The following ZNF208 variants were observed in gnomAD, a reference collection of about 807,000 sequenced individuals.
ZNF208 encodes the protein zinc finger protein 208.
ZNF208 carries 10 observed loss-of-function variants against 12.1 expected under a neutral mutation model. The ratio of observed to expected loss-of-function variants is 0.83; its 90% CI spans 0.51 to 1.40. ZNF208 has a LOEUF of 1.40. Ranked by LOEUF, ZNF208 falls within the 40% of genes most tolerant of loss-of-function variation. The pLI, the probability that ZNF208 is intolerant of heterozygous loss-of-function variation, is 0.00. For synonymous variants in ZNF208, 497 were observed against 488.4 expected (o/e 1.02, Z -0.23); for missense variants, 1,652 against 1,485.0 (o/e 1.11, Z -1.85).
At chr19:21,955,907 G>A (rs965769916) in intron 4 of ZNF208, among the ~76,000 whole-genome samples, 7 of 152,180 alleles carry the variant, frequency 4.6e-5, no homozygotes, top group Admixed American at 1.3e-4. Flanking sequence ...GAGGAGAAGA[G>A]GCACTCTGAT....
In ZNF208 at chr19:21,974,399, C is replaced by A. The variant is rs543100062; in HGVS notation, c.635G>T (p.Trp212Leu). ...CTTATAATAAGTAAGGGTTGAGGAC[C>A]AGTTAAAAGCTTTGCCACCTTCTTC... ...KCEEGGKAFNWSSTLTYYKSA... is the reference protein window; with the variant it reads ...KCEEGGKAFNLSSTLTYYKSA... The change falls in exon 4 of 4, where the codon TGG (tryptophan) becomes TTG (leucine). Residue 212 changes from tryptophan to leucine, a missense_variant. Physicochemically the swap from Trp to Leu is moderately conservative, Grantham distance 61. This residue lies in a region of ZNF208 where 410 missense variants were observed against 378.2 expected (regional missense o/e 1.08). Coordinates refer to ENST00000397126, the MANE Select transcript of ZNF208 (RefSeq NM_007153.3). 6 of 1,613,558 alleles carry A rather than the reference C, an allele frequency of 3.7e-6. No individual in the cohort carries two copies. Among genetic ancestry groups the A allele is most frequent in the Middle Eastern group, 1.7e-4 (1 of 6,056 alleles).
At position 21,967,984 on chromosome 19, in the gene ZNF208, T is replaced by C. The variant is rs1219680807; in HGVS notation, c.*3207A>G. ...TGATTTAATGTATTTCTAGGTATTT[T>C]TTTGTGTGTTTGTTGCTATTGTAAA... On this transcript the variant is annotated 3_prime_UTR_variant, in exon 4 of 4. Transcript: ENST00000397126. 1.3e-5 allele frequency: 2 copies of C among 152,156 alleles called. No individual in the cohort carries two copies. Among genetic ancestry groups the C allele is most frequent in the African/African-American group, 4.8e-5 (2 of 41,458 alleles). The allele number at this position is 152,156 out of a possible 1,614,324, so 9.4% of individuals were successfully genotyped here.
intron 4 of ZNF208, among the ~76,000 whole-genome samples, chr19:21,948,384 G>A (rs879164004): frequency 6.6e-6 from 1 of 152,126 alleles, no homozygotes; most frequent in Non-Finnish European, 1.5e-5. Flanking sequence ...AATTAAATCT[G>A]CCCTCTTGGC....
rs372427595 is a variant in ZNF208 at position 21,974,375 on chromosome 19, T to C, written c.659A>G (p.Lys220Arg). ...FNWSSTLTYY[K>R]SAHTGEKPYR... ...GGGTTTCTCTCCAGTATGAGCACTC[T>C]TATAATAAGTAAGGGTTGAGGACCA... The change falls in exon 4 of 4, where the codon AAG (lysine) becomes AGG (arginine). Residue 220 changes from lysine (K) to arginine (R), a missense_variant. Transcript: ENST00000397126. The C allele has an allele frequency of 6.2e-7, 1 of 1,613,690 alleles. No individual in the cohort carries two copies. Among genetic ancestry groups the C allele is most frequent in the Admixed American group, 1.7e-5 (1 of 59,968 alleles).
At chr19:21,974,858 A>G in intron 3 of ZNF208, 51 bp from the exon 4 acceptor site, 1 of 1,462,092 alleles carries the variant, frequency 6.8e-7, no homozygotes, top group East Asian at 2.4e-5. Context: ...ACTCAGATAA[A>G]TACAGTTTCT....
chr19:21,961,947 T>C (rs1970077619), downstream of ZNF208, among the ~76,000 whole-genome samples: 1 of 152,158 alleles, frequency 6.6e-6, no homozygotes, highest in African/African-American at 2.4e-5. Context: ...ATACTGGTCC[T>C]GAGGTGACAT....
At chr19:21,999,266 A>G (rs1357351251) in intron 1 of ZNF208, among the ~76,000 whole-genome samples, 1 of 152,148 alleles carries the variant, frequency 6.6e-6, no homozygotes, top group East Asian at 1.9e-4. Context: ...TTGAAACACT[A>G]TATTTCAAAA....
At chr19:21,998,083 T>G (rs1970872679) in intron 1 of ZNF208, 1 of 150,400 alleles carries the variant, frequency 6.6e-6, no homozygotes, top group Non-Finnish European at 1.5e-5. Flanking sequence ...AAGGGAAACA[T>G]GAGCATTATT....
rs1209831162 is a variant in ZNF208, at chr19:21,970,689, G to A, written c.*502C>T. 1 of 1,130,034 alleles carries A rather than the reference G, an allele frequency of 8.8e-7. No individual in the cohort carries two copies. Among genetic ancestry groups the A allele is most frequent in the Admixed American group, 1.7e-5 (1 of 57,240 alleles). The allele number at this position is 1,130,034 out of a possible 1,614,324, so 70.0% of individuals were successfully genotyped here. On this transcript the variant is annotated 3_prime_UTR_variant, in exon 4 of 4. Transcript: ENST00000397126. Reference sequence around the variant, plus strand: ...AGCCTTTGCCACATTCTTCTCATTTGTAGAGTTTCTCTCCAGCATGAATTT... The same window carrying A: ...AGCCTTTGCCACATTCTTCTCATTTATAGAGTTTCTCTCCAGCATGAATTT...
intron 4 of ZNF208, chr19:21,941,215 A>G (rs1219708934): frequency 2.5e-6 from 1 of 397,664 alleles, no homozygotes; most frequent in Non-Finnish European, 4.4e-6. Flanking sequence ...AAAGTGGAGC[A>G]GCAAAGCAAA....
intron 3 of ZNF208, among the ~76,000 whole-genome samples, chr19:21,975,823 CAAAAAAAAAAAAAAAAAAA>C (rs532995268): frequency 3.8e-5 from 1 of 26,408 alleles, no homozygotes; most frequent in Non-Finnish European, 6.7e-5. Context: ...AGTCAAAGTC[CAAAAAAAAAAAAAAAAAAA>C]AAAAAAAAAG....
At chr19:21,998,177 CAG>C (rs1318127303) in intron 1 of ZNF208, 1 of 115,840 alleles carries the variant, frequency 8.6e-6, no homozygotes, top group African/African-American at 3.2e-5. Flanking sequence ...TTTTTTTGGA[CAG>C]AGTCTCACTC....
intron 4 of ZNF208, among the ~76,000 whole-genome samples, chr19:21,958,752 C>A (rs1970017677): frequency 1.1e-5 from 1 of 87,922 alleles, no homozygotes; most frequent in Admixed American, 1.2e-4. Context: ...TAGAACAGTA[C>A]CCCTCTCCAG....
chr19:21,980,836 G>C (rs534024919), intron 3 of ZNF208, among the ~76,000 whole-genome samples: 3 of 152,180 alleles, frequency 2.0e-5, no homozygotes, highest in Admixed American at 2.0e-4. Flanking sequence ...AAGAAGAAAG[G>C]AGAGAAGAAT....
At chr19:21,963,563 A>G (rs1379034881), downstream of ZNF208, among the ~76,000 whole-genome samples, 1 of 152,012 alleles carries the variant, frequency 6.6e-6, no homozygotes, top group Non-Finnish European at 1.5e-5. Context: ...GGTGCAACAC[A>G]TTGCACATCA....
At chr19:21,952,497 T>C (rs1235390309) in intron 4 of ZNF208, among the ~76,000 whole-genome samples, 1 of 152,236 alleles carries the variant, frequency 6.6e-6, no homozygotes, top group Non-Finnish European at 1.5e-5. Flanking sequence ...ATAATTGCCA[T>C]TCTGCAGCCT....
chr19:21,958,216 G>A (rs1970008191), intron 4 of ZNF208, among the ~76,000 whole-genome samples: 3 of 151,518 alleles, frequency 2.0e-5, no homozygotes, highest in Admixed American at 2.0e-4. Flanking sequence ...TTCAAAACTT[G>A]TCATACATTT....
rs113250860 is a variant in ZNF208, at chr19:21,975,269, A to G, written c.227-462T>C. On this transcript the variant is annotated intron_variant, in intron 3 of 3. Transcript: ENST00000397126. ...CACACTGGTTTCTGTCTCCCATGACATAAAATGCTGAAAGATATGGTGGTA... is the reference window on the plus strand; with the variant it reads ...CACACTGGTTTCTGTCTCCCATGACGTAAAATGCTGAAAGATATGGTGGTA... Among the ~76,000 whole-genome samples, 1,352 of 152,342 alleles carry G rather than the reference A, an allele frequency of 8.9e-3. 22 individuals carry two copies. Among genetic ancestry groups the G allele is most frequent in the African/African-American group, 0.031 (1,304 of 41,574 alleles).
At chr19:21,943,030 G>A (rs1431712653) in intron 4 of ZNF208, among the ~76,000 whole-genome samples, 4 of 152,100 alleles carry the variant, frequency 2.6e-5, no homozygotes, top group Admixed American at 1.3e-4. Context: ...AACTCGAAAC[G>A]TAATATATCC....
Sources: allele counts gnomAD v4.1 joint callset (sites outside exome capture counted in the v4.1 genomes callset), GRCh38; gene constraint gnomAD v4.1.1; regional missense constraint gnomAD v4.1.1; transcripts MANE v1.5; gene names NCBI Gene and HGNC (gene_info 2026-07-23, HGNC 2026-07-21).